Variants in ZMYM3 observed in about 807,000 individuals in gnomAD.
The protein encoded by ZMYM3 is zinc finger MYM-type containing 3.
Under a neutral mutation model 94.2 loss-of-function variants are expected in ZMYM3, and 6 were observed. That is an observed-to-expected ratio of 0.06 (90% CI 0.03 to 0.13). The LOEUF (loss-of-function observed/expected upper bound fraction) is 0.13, where lower values mean the gene tolerates loss of function less well. ZMYM3 is among the 10% of genes least tolerant of loss of function. ZMYM3 has a pLI of 1.00. For missense variants in ZMYM3, 664 were observed against 1,132.6 expected (o/e 0.59, Z 5.94); for synonymous variants, 420 against 426.5 (o/e 0.98, Z 0.19).
chrX:71,245,127 TAA>T (rs5902685), intron 18 of ZMYM3, among the ~76,000 whole-genome samples: 153 of 42,626 alleles, frequency 3.6e-3, no homozygotes, highest in African/African-American at 9.7e-3. Context: ...GCTTAAAAAT[TAA>T]AAAAAAAAAA....
Position 71,248,424 on chromosome X carries a change from G to A in ZMYM3, c.1824+14C>T. The A allele has an allele frequency of 8.3e-7, 1 of 1,207,145 alleles. No individual in the cohort carries two copies. On this transcript the variant is annotated intron_variant, in intron 10 of 24. Coordinates refer to ENST00000314425, the MANE Select transcript of ZMYM3 (RefSeq NM_201599.3). ...GGTCGTGTGGCAAGACGTGGGTGGG[G>A]GTGGGGCTCTTACCTGCCAGTCCAA...
intron 16 of ZMYM3, 52 bp from the exon 17 acceptor site, chrX:71,245,894 G>C (rs1006810830): frequency 8.4e-7 from 1 of 1,192,307 alleles, no homozygotes; most frequent in Admixed American, 2.2e-5. Flanking sequence ...GCAGTTGGGG[G>C]GAAGTTGGGG....
At position 71,251,566 on chromosome X, in the gene ZMYM3, G is replaced by A; in HGVS notation, c.703C>T (p.Pro235Ser). The A allele has an allele frequency of 8.4e-7, 1 of 1,193,604 alleles. No homozygotes were observed. Among genetic ancestry groups the A allele is most frequent in the Non-Finnish European group, 1.1e-6 (1 of 886,542 alleles). ...AATCCCCTCCCCCTCACCCGTTCAG[G>A]CGGCTTCTCACTCGCCTTCGCAGTC... Reference protein sequence around the residue: ...GLTAKASEKPPERKRSERVRR... With the variant: ...GLTAKASEKPSERKRSERVRR... Residue 235 changes from proline (P) to serine (S), a missense_variant, in exon 3 of 25, where the codon CCT becomes TCT. Transcript: ENST00000314425.
upstream of ZMYM3, chrX:71,255,139 TCTCTCTCTC>T (rs2030707100): frequency 1.1e-5 from 1 of 92,876 alleles, no homozygotes; most frequent in East Asian, 3.4e-4. Context: ...TCTCTCTCTC[TCTCTCTCTC>T]TGTATCTCTC....
rs2029913332 is a variant in ZMYM3 at position 71,240,864 on chromosome X, T to C, written c.*52A>G. 5.2e-6 allele frequency: 6 copies of C among 1,150,865 alleles called. No individual in the cohort carries two copies. The highest frequency in any genetic ancestry group is 1.8e-5 in the African/African-American group (1 of 56,077). The allele number at this position is 1,150,865 out of a possible 1,213,427, so 94.8% of individuals were successfully genotyped here. On this transcript the variant is annotated 3_prime_UTR_variant, in exon 25 of 25. Coordinates refer to ENST00000314425, the MANE Select transcript of ZMYM3 (RefSeq NM_201599.3). ...CCTGGGCCTGTCACCCTGAGGGACA[T>C]GGCCACAGGACAGACATTGATGTGA...
At position 71,250,082 on chromosome X, in the gene ZMYM3, G is replaced by T. The variant is rs1274980614; in HGVS notation, c.1195C>A (p.Gln399Lys). The change falls in exon 6 of 25, where the codon CAG (glutamine) becomes AAG (lysine). Residue 399 changes from glutamine to lysine, a missense_variant. By Grantham distance (53) the Gln-to-Lys change is moderately conservative (BLOSUM62 1). Around this residue, in one of 9 missense-constraint regions of ZMYM3, gnomAD observed 51 missense variants for 53.0 expected, o/e 0.96. Transcript: ENST00000314425. ...GTAGCGTCGGCGGGATCCCCAGACT[G>T]GGGGATCGGGCGCTGCTGCTGGGCC... ...YEAQQQRPIP[Q>K]SGDPADATRC... The T allele has an allele frequency of 1.7e-6, 2 of 1,204,833 alleles. No homozygotes were observed. Among genetic ancestry groups the T allele is most frequent in the South Asian group, 3.6e-5 (2 of 55,532 alleles).
chrX:71,251,053 G>C (rs1403725615), intron 4 of ZMYM3, 125 bp downstream of exon 4: 1 of 714,782 alleles, frequency 1.4e-6, no homozygotes, highest in African/African-American at 2.1e-5. Flanking sequence ...AGCAGAGACA[G>C]GCACTTCATG....
At chrX:71,243,315 A>G (rs766794317) in intron 21 of ZMYM3, among the ~76,000 whole-genome samples, 1 of 110,654 alleles carries the variant, frequency 9.0e-6, no homozygotes, top group Admixed American at 9.7e-5. Flanking sequence ...AGAAGCCCAC[A>G]CCTCCTTCTC....
rs957895439 is a variant in ZMYM3, at chrX:71,243,019, T to C, written c.3498A>G (p.Gln1166=). The part of the protein sequence containing the change: ...FTDLYYLTFV[Q]ELNKSLSTWQ... ...AGGTACTCAGAGACTTGTTGAGTTC[T>C]TGAACAAAAGTCAGGTAGTAAAGGT... The change falls in exon 22 of 25, where the codon CAA becomes CAG. Residue 1166 remains glutamine (Q), a synonymous_variant. Coordinates refer to ENST00000314425, the MANE Select transcript of ZMYM3 (RefSeq NM_201599.3). 1.7e-6 allele frequency: 2 copies of C among 1,211,816 alleles called. No individual in the cohort carries two copies. The highest frequency in any genetic ancestry group is 2.2e-6 in the Non-Finnish European group (2 of 895,525).
intron 8 of ZMYM3, 22 bp downstream of exon 8, chrX:71,248,997 G>C: frequency 2.5e-6 from 3 of 1,210,195 alleles, no homozygotes; most frequent in Non-Finnish European, 3.4e-6. Flanking sequence ...AGGGGACTCA[G>C]AGAAGAGGGC....
intron 11 of ZMYM3, 76 bp from the exon 12 acceptor site, chrX:71,247,982 G>A (rs1433880945): frequency 4.1e-5 from 45 of 1,100,989 alleles, no homozygotes; most frequent in Non-Finnish European, 4.2e-5. Context: ...TTTTCAAGGT[G>A]CTATACCTGA....
intron 21 of ZMYM3, 145 bp from the exon 22 acceptor site, chrX:71,243,229 T>C: frequency 2.1e-6 from 1 of 487,120 alleles, no homozygotes; most frequent in Admixed American, 3.5e-5. Flanking sequence ...TCGAGTGCTT[T>C]CCCCCAGGTA....
At position 71,250,217 on chromosome X, in the gene ZMYM3, C is replaced by A; in HGVS notation, c.1074-14G>T. 1 of 1,156,768 alleles carries A rather than the reference C, an allele frequency of 8.6e-7. No homozygotes were observed. Among genetic ancestry groups the A allele is most frequent in the South Asian group, 2.1e-5 (1 of 47,918 alleles). On this transcript the variant is annotated splice_polypyrimidine_tract_variant and intron_variant, in intron 5 of 24. Coordinates refer to ENST00000314425, the MANE Select transcript of ZMYM3 (RefSeq NM_201599.3). The stretch of plus-strand genomic sequence containing the variant: ...TTCCAGATCTCCCTAGAGGTGGGAA[C>A]AGGTTTGAATATTCACTCAAGACCA...
chrX:71,253,732 A>AC (rs1172170995), intron 1 of ZMYM3, among the ~76,000 whole-genome samples: 4 of 4,486 alleles, frequency 8.9e-4, no homozygotes, highest in East Asian at 0.013. Flanking sequence ...GTCTGGCCCC[A>AC]CCCCCCCTCC....
At chrX:71,244,252 T>G in intron 20 of ZMYM3, 50 bp downstream of exon 20, 2 of 821,727 alleles carry the variant, frequency 2.4e-6, no homozygotes, top group Non-Finnish European at 3.5e-6. Context: ...CCCTTTCCCC[T>G]CCTCCTCCCT....
intron 2 of ZMYM3, 71 bp from the exon 3 acceptor site, chrX:71,251,672 G>C (rs1264672764): frequency 9.1e-7 from 1 of 1,096,862 alleles, no homozygotes; most frequent in African/African-American, 1.9e-5. Flanking sequence ...CCCAACCCCC[G>C]CCTCCATTCC....
At chrX:71,248,945 A>G in intron 8 of ZMYM3, 74 bp downstream of exon 8, 2 of 1,182,773 alleles carry the variant, frequency 1.7e-6, no homozygotes, top group South Asian at 3.7e-5. Context: ...AGCAAGGATT[A>G]CTCTGGAAGA....
chrX:71,244,870 C>T lies in ZMYM3; in HGVS notation c.3031G>A (p.Val1011Ile). 1 of 1,205,000 alleles carries T rather than the reference C, an allele frequency of 8.3e-7. No individual in the cohort carries two copies. The highest frequency in any genetic ancestry group is 1.1e-6 in the Non-Finnish European group (1 of 890,612). The change falls in exon 19 of 25, where the codon GTA (valine) becomes ATA (isoleucine). Residue 1011 changes from valine to isoleucine, a missense_variant. Transcript: ENST00000314425. ...PKNPLDINPS[V>I]DFLFDCGLVG... is the part of the protein sequence containing the mutation. ...AGGCCACAATCAAAGAGGAAGTCTACACTGGGATTAATGTCCAGAGGATCT... is the reference window on the plus strand; with the variant it reads ...AGGCCACAATCAAAGAGGAAGTCTATACTGGGATTAATGTCCAGAGGATCT...
At chrX:71,246,843 C>T in intron 13 of ZMYM3, 151 bp from the exon 14 acceptor site, 1 of 480,282 alleles carries the variant, frequency 2.1e-6, no homozygotes, top group Non-Finnish European at 3.4e-6. Flanking sequence ...ATCTAGTCTC[C>T]TCTATGCCCC....
Sources: allele counts gnomAD v4.1 joint callset (sites outside exome capture counted in the v4.1 genomes callset), GRCh38; gene constraint gnomAD v4.1.1; regional missense constraint gnomAD v4.1.1; transcripts MANE v1.5; gene names NCBI Gene and HGNC (gene_info 2026-07-23, HGNC 2026-07-21).